GRK7: variants seen among roughly 807,000 people sequenced by gnomAD.
GRK7 encodes the protein G protein-coupled receptor kinase 7.
Under a neutral mutation model 34.1 loss-of-function variants are expected in GRK7, and 24 were observed. That is an observed-to-expected ratio of 0.70 (90% confidence interval 0.51 to 0.99). The LOEUF (loss-of-function observed/expected upper bound fraction) is 0.99. Among genes scored for constraint, GRK7 ranks in the 50% least tolerant of loss-of-function variants. The pLI, the probability that GRK7 is intolerant of heterozygous loss-of-function variation, is 0.00. For missense variants in GRK7, 644 were observed against 707.3 expected (o/e 0.91, Z 1.02); for synonymous variants, 256 against 279.4 (o/e 0.92, Z 0.84).
intron 4 of GRK7, among the ~76,000 whole-genome samples, chr3:141,802,304 G>A (rs1710977666): frequency 1.3e-5 from 2 of 151,766 alleles, no homozygotes; most frequent in South Asian, 4.2e-4. Flanking sequence ...AGTTAGCCAC[G>A]ATTGAACCAC....
intron 1 of GRK7, among the ~76,000 whole-genome samples, 182 bp from the exon 2 acceptor site, chr3:141,774,398 G>A (rs547431125): frequency 6.6e-6 from 1 of 151,732 alleles, no homozygotes; most frequent in South Asian, 2.1e-4. Context: ...CATTAGCCTG[G>A]GCAACAGAGT....
intron 4 of GRK7, among the ~76,000 whole-genome samples, chr3:141,794,956 T>C (rs148187147): frequency 2.8e-4 from 42 of 152,142 alleles, no homozygotes; most frequent in Non-Finnish European, 4.9e-4. Flanking sequence ...GGCAAACAAA[T>C]GCCTGCCTTC....
chr3:141,781,721 A>AT (rs1559841631), intron 4 of GRK7, among the ~76,000 whole-genome samples: 1 of 152,188 alleles, frequency 6.6e-6, no homozygotes, highest in African/African-American at 2.4e-5. Flanking sequence ...GGAAGAAAAC[A>AT]AAGGCAACTG....
chr3:141,805,462 T>C (rs766219883), intron 4 of GRK7, among the ~76,000 whole-genome samples: 4 of 152,216 alleles, frequency 2.6e-5, no homozygotes, highest in Non-Finnish European at 5.9e-5. Flanking sequence ...AGGACCCTTT[T>C]GTCTGGACAA....
rs2084567265 is a variant in GRK7 at position 141,763,634 on chromosome 3, G to A, written c.-2319G>A. Reference sequence around the variant, plus strand: ...AGCACCCCTCCCTGCCCCCAACACTGTCCACCACCATCTGCTTTGAGTCCA... The same window carrying A: ...AGCACCCCTCCCTGCCCCCAACACTATCCACCACCATCTGCTTTGAGTCCA... On this transcript the variant is annotated 5_prime_UTR_variant, in exon 1 of 6. Transcript: ENST00000682958. Among the ~76,000 whole-genome samples, 1 of 152,092 alleles carries A rather than the reference G, an allele frequency of 6.6e-6. No individual in the cohort carries two copies. Among genetic ancestry groups the A allele is most frequent in the South Asian group, 2.1e-4 (1 of 4,824 alleles).
At chr3:141,779,030 T>C in intron 3 of GRK7, 134 bp downstream of exon 3, 1 of 863,872 alleles carries the variant, frequency 1.2e-6, no homozygotes, top group Non-Finnish European at 1.8e-6. Flanking sequence ...TCTAGCCCCG[T>C]CTCCCCAGCC....
intron 4 of GRK7, among the ~76,000 whole-genome samples, chr3:141,796,074 C>G (rs1386703442): frequency 1.3e-5 from 2 of 152,162 alleles, no homozygotes; most frequent in South Asian, 4.1e-4. Context: ...GAAATATAGT[C>G]CTGCAGGTCA....
At chr3:141,813,414 A>G (rs539965982) in intron 5 of GRK7, among the ~76,000 whole-genome samples, 8 of 152,234 alleles carry the variant, frequency 5.3e-5, no homozygotes, top group Admixed American at 1.3e-4. Flanking sequence ...GGTGTGAGCC[A>G]TGGTGCCCGG....
At chr3:141,773,604 C>T (rs1247491889) in intron 1 of GRK7, among the ~76,000 whole-genome samples, 2 of 152,118 alleles carry the variant, frequency 1.3e-5, no homozygotes, top group Non-Finnish European at 2.9e-5. Flanking sequence ...CTCCACCTCC[C>T]GGGGTTTCAC....
At chr3:141,794,314 A>G (rs2084739396) in intron 4 of GRK7, among the ~76,000 whole-genome samples, 2 of 152,216 alleles carry the variant, frequency 1.3e-5, no homozygotes, top group Admixed American at 1.3e-4. Context: ...GCCTGGCACC[A>G]GCAGCTGGAG....
At chr3:141,815,939 G>T (rs1489397366) in intron 5 of GRK7, among the ~76,000 whole-genome samples, 2 of 152,144 alleles carry the variant, frequency 1.3e-5, no homozygotes, top group Non-Finnish European at 2.9e-5. Context: ...GAGACACCCA[G>T]TTAAGCCATG....
At chr3:141,816,579 T>G in intron 5 of GRK7, 135 bp from the exon 6 acceptor site, 1 of 502,490 alleles carries the variant, frequency 2.0e-6, no homozygotes, top group South Asian at 5.0e-5. Flanking sequence ...TTTCAGTTAT[T>G]CTTTATGTTA....
chr3:141,816,966 G>A lies in GRK7; in HGVS notation c.1578G>A (p.Leu526=), dbSNP rs748283251. Residue 526 remains leucine (L), a synonymous_variant, in exon 6 of 6, where the codon CTG becomes CTA. Transcript: ENST00000682958. Reference sequence around the variant, plus strand: ...AGGAAGAAATTATAGAAACGGGACTGTTTGAGGAACTGAATGACCCCAACA... The same window carrying A: ...AGGAAGAAATTATAGAAACGGGACTATTTGAGGAACTGAATGACCCCAACA... ...AWQEEIIETG[L]FEELNDPNRP... The A allele has an allele frequency of 1.9e-6, 3 of 1,614,124 alleles. No individual in the cohort carries two copies. Among genetic ancestry groups the A allele is most frequent in the Non-Finnish European group, 2.5e-6 (3 of 1,180,004 alleles).
intron 4 of GRK7, among the ~76,000 whole-genome samples, chr3:141,803,350 G>A (rs1440185189): frequency 6.6e-6 from 1 of 150,964 alleles, no homozygotes; most frequent in East Asian, 2.0e-4. Flanking sequence ...AGAATCGCTT[G>A]AACCGGGGAG....
chr3:141,775,039 G>A (rs938636114), intron 2 of GRK7, among the ~76,000 whole-genome samples: 2 of 151,746 alleles, frequency 1.3e-5, no homozygotes, highest in Non-Finnish European at 2.9e-5. Context: ...TGATCCACCC[G>A]CCTCAGCCTC....
rs2084568924 is a variant in GRK7, at chr3:141,764,010, C to G, written c.-1943C>G. 6.6e-6 allele frequency among the ~76,000 whole-genome samples: 1 copy of G among 151,998 alleles called. No homozygotes were observed. Among genetic ancestry groups the G allele is most frequent in the Non-Finnish European group, 1.5e-5 (1 of 68,002 alleles). ...ACGTCTTCATTTCTCTTCATTGCTG[C>G]TCTCCTTCCTTCCCTAAAAACACCC... On this transcript the variant is annotated 5_prime_UTR_variant, in exon 1 of 6. Transcript: ENST00000682958.
intron 4 of GRK7, among the ~76,000 whole-genome samples, chr3:141,806,203 G>T (rs1272486160): frequency 6.6e-6 from 1 of 152,066 alleles, no homozygotes; most frequent in East Asian, 1.9e-4. Context: ...TAAATAATCT[G>T]GTTGAAAGAC....
intron 4 of GRK7, among the ~76,000 whole-genome samples, chr3:141,796,701 GA>G (rs1710884456): frequency 6.6e-6 from 1 of 152,214 alleles, no homozygotes; most frequent in Admixed American, 6.5e-5. Flanking sequence ...AGGCACCGTG[GA>G]AAGTATGCCT....
the GRK7 span, among the ~76,000 whole-genome samples, chr3:141,756,776 T>C: frequency 2.0e-5 from 3 of 152,196 alleles, no homozygotes; most frequent in African/African-American, 7.2e-5. Flanking sequence ...TGGTGTTCCA[T>C]TTGTCTTATT....
Sources: gnomAD v4.1 joint callset for allele counts (sites outside exome capture counted in the v4.1 genomes callset) on GRCh38, gnomAD v4.1.1 for gene constraint, MANE v1.5 for transcripts, NCBI Gene and HGNC (gene_info 2026-07-23, HGNC 2026-07-21) for gene names.